The following SUCLG2 variants were observed in gnomAD, a reference collection of about 807,000 sequenced individuals.
SUCLG2 encodes the protein succinate-CoA ligase GDP-forming subunit beta.
SUCLG2 carries 42 observed loss-of-function variants against 47.9 expected under a neutral mutation model. The ratio of observed to expected loss-of-function variants is 0.88; its 90% confidence interval spans 0.69 to 1.14. The LOEUF (loss-of-function observed/expected upper bound fraction) is 1.14. Ranked by LOEUF, SUCLG2 falls within the 50% of genes most tolerant of loss-of-function variation. The probability of loss-of-function intolerance (pLI) is 0.00; values close to 1 mark genes in which losing one functional copy is unlikely to be tolerated. For missense variants in SUCLG2, 571 were observed against 525.9 expected (o/e 1.09, Z -0.84); for synonymous variants, 195 against 197.3 (o/e 0.99, Z 0.10).
At chr3:67,394,856 G>C (rs1258888740) in intron 10 of SUCLG2, among the ~76,000 whole-genome samples, 1 of 151,914 alleles carries the variant, frequency 6.6e-6, no homozygotes, top group African/African-American at 2.4e-5. Context: ...GAAGAGAGTG[G>C]GGGCCAATAT....
At chr3:67,611,857 C>A (rs1700533005) in intron 1 of SUCLG2, among the ~76,000 whole-genome samples, 1 of 152,150 alleles carries the variant, frequency 6.6e-6, no homozygotes, top group East Asian at 1.9e-4. Flanking sequence ...CACACTGACT[C>A]AAATGAAAGC....
rs554712595 is a variant in SUCLG2, at chr3:67,393,067, C to T, written c.1183+7664G>A. Among the ~76,000 whole-genome samples the T allele has an allele frequency of 5.3e-5, 8 of 152,316 alleles. No individual in the cohort carries two copies. The East Asian group carries it at 5.8e-4, about 11-fold the overall frequency. On this transcript the variant is annotated intron_variant, in intron 10 of 10. Coordinates refer to ENST00000307227, the MANE Select transcript of SUCLG2 (RefSeq NM_003848.4). ...CAAGATGGCCGAAATGGAACAGCTCCGGTCTACAGCTCCCAGCGTGAGCGA... is the reference window on the plus strand; with the variant it reads ...CAAGATGGCCGAAATGGAACAGCTCTGGTCTACAGCTCCCAGCGTGAGCGA...
At chr3:67,536,696 CCT>C (rs1266186767) in intron 2 of SUCLG2, among the ~76,000 whole-genome samples, 1 of 152,192 alleles carries the variant, frequency 6.6e-6, no homozygotes, top group Non-Finnish European at 1.5e-5. Flanking sequence ...AATCAAACTC[CCT>C]CTCACAGACT....
intron 1 of SUCLG2, among the ~76,000 whole-genome samples, chr3:67,621,626 G>A (rs1033007672): frequency 2.0e-5 from 3 of 152,074 alleles, no homozygotes; most frequent in African/African-American, 7.2e-5. Context: ...TGGATTAATG[G>A]GTTAATGGAT....
At chr3:67,652,175 A>AAC (rs1553677470) in intron 1 of SUCLG2, among the ~76,000 whole-genome samples, 3,409 of 149,950 alleles carry the variant, frequency 0.023, 115 homozygotes, top group African/African-American at 0.077. Flanking sequence ...AAAAAAAAAA[A>AAC]CTTCAATGAC....
intron 10 of SUCLG2, among the ~76,000 whole-genome samples, chr3:67,382,794 C>A (rs114045124): frequency 6.6e-6 from 1 of 152,092 alleles, no homozygotes; most frequent in Non-Finnish European, 1.5e-5. Flanking sequence ...AGTATTTCAG[C>A]CCCTCTGCTG....
At chr3:67,370,799 G>C (rs1701942963), downstream of SUCLG2, among the ~76,000 whole-genome samples, 3 of 152,134 alleles carry the variant, frequency 2.0e-5, no homozygotes, top group Admixed American at 1.3e-4. Flanking sequence ...GCTGACCACA[G>C]GTAACTAAAA....
chr3:67,406,278 T>C (rs1378742316), intron 9 of SUCLG2, among the ~76,000 whole-genome samples: 1 of 152,178 alleles, frequency 6.6e-6, no homozygotes, highest in Non-Finnish European at 1.5e-5. Context: ...TTAATATATA[T>C]TCTTCACGGC....
At chr3:67,555,332 T>C (rs907062155) in intron 2 of SUCLG2, among the ~76,000 whole-genome samples, 2 of 152,150 alleles carry the variant, frequency 1.3e-5, no homozygotes, top group African/African-American at 2.4e-5. Context: ...GTAAAATGAA[T>C]GTGTATATTT....
intron 9 of SUCLG2, among the ~76,000 whole-genome samples, chr3:67,422,171 A>C (rs753479849): frequency 1.3e-5 from 2 of 152,152 alleles, no homozygotes; most frequent in Admixed American, 1.3e-4. Flanking sequence ...ATGACAGGGA[A>C]GTTTAAAAAA....
intron 10 of SUCLG2, among the ~76,000 whole-genome samples, chr3:67,387,196 C>G (rs1041916687): frequency 3.3e-5 from 5 of 152,024 alleles, no homozygotes; most frequent in African/African-American, 1.2e-4. Flanking sequence ...GTAAATGCAG[C>G]ATAATTGATC....
chr3:67,390,377 A>T (rs1702354235), intron 10 of SUCLG2, among the ~76,000 whole-genome samples: 2 of 152,210 alleles, frequency 1.3e-5, no homozygotes, highest in Non-Finnish European at 2.9e-5. Context: ...ATGTAGTGGG[A>T]TTTTGTGGAC....
At chr3:67,546,395 G>C (rs1283824104) in intron 2 of SUCLG2, among the ~76,000 whole-genome samples, 1 of 152,156 alleles carries the variant, frequency 6.6e-6, no homozygotes, top group Non-Finnish European at 1.5e-5. Context: ...TCCTACAGGA[G>C]GATACCCTTT....
Position 67,400,751 on chromosome 3 carries a change from G to A in SUCLG2, c.1163C>T (p.Pro388Leu), listed in dbSNP as rs77723213. 160 of 1,611,750 alleles carry A rather than the reference G, an allele frequency of 9.9e-5. 3 individuals are homozygous for A. The East Asian group carries it at 3.6e-3, about 36-fold the overall frequency. Reference sequence around the variant, plus strand: ...CTCACCTTCAAGCCGGACCACCAGGGGCACCTTGAGTTCTAGCTCCCGGCA... The same window carrying A: ...CTCACCTTCAAGCCGGACCACCAGGAGCACCTTGAGTTCTAGCTCCCGGCA... Reference protein sequence around the residue: ...KACRELELKVPLVVRLEGTNV... With the variant: ...KACRELELKVLLVVRLEGTNV... The change falls in exon 10 of 11, where the codon CCC (proline) becomes CTC (leucine). Residue 388 changes from proline to leucine, a missense_variant. Transcript: ENST00000307227.
chr3:67,632,588 C>T (rs1298516161), intron 1 of SUCLG2, among the ~76,000 whole-genome samples: 1 of 152,102 alleles, frequency 6.6e-6, no homozygotes, highest in African/African-American at 2.4e-5. Context: ...GACACTGGAT[C>T]ACGGACTTGT....
intron 10 of SUCLG2, among the ~76,000 whole-genome samples, chr3:67,388,332 T>G (rs368493258): frequency 3.4e-4 from 52 of 152,344 alleles, no homozygotes; most frequent in African/African-American, 1.2e-3. Context: ...GCTTTGGACA[T>G]TTCTGGAGTC....
intron 2 of SUCLG2, among the ~76,000 whole-genome samples, chr3:67,564,948 A>G (rs1246829900): frequency 6.6e-6 from 1 of 151,968 alleles, no homozygotes; most frequent in Non-Finnish European, 1.5e-5. Context: ...TGTACCTTGT[A>G]TTCTAACACA....
intron 9 of SUCLG2, among the ~76,000 whole-genome samples, chr3:67,411,962 G>A (rs116813472): frequency 2.6e-5 from 4 of 152,208 alleles, no homozygotes; most frequent in African/African-American, 9.6e-5. Flanking sequence ...GGGCAGGGCT[G>A]GTGCCTGGTA....
intron 9 of SUCLG2, among the ~76,000 whole-genome samples, chr3:67,426,272 G>A (rs925560198): frequency 3.3e-5 from 5 of 152,068 alleles, no homozygotes; most frequent in Admixed American, 6.5e-5. Flanking sequence ...AGGTCATTAA[G>A]GTTGGTTTGT....
Sources: allele counts gnomAD v4.1 joint callset (sites outside exome capture counted in the v4.1 genomes callset), GRCh38; gene constraint gnomAD v4.1.1; transcripts MANE v1.5; gene names NCBI Gene and HGNC (gene_info 2026-07-23, HGNC 2026-07-21).